MYH8: variants seen among roughly 807,000 people sequenced by gnomAD.
MYH8 encodes myosin-8.
Under a neutral mutation model 233.2 loss-of-function variants are expected in MYH8, and 168 were observed. The observed-to-expected ratio is 0.72, with a 90% CI of 0.64 to 0.82. MYH8 has a LOEUF of 0.82. MYH8 is among the 40% of genes least tolerant of loss of function. MYH8 has a pLI of 0.00. For synonymous variants in MYH8, 785 were observed against 850.6 expected, an observed-to-expected ratio of 0.92 and a Z score of 1.34; for missense variants, 1,995 against 2,327.8, an observed-to-expected ratio of 0.86 and a Z score of 2.94.
Position 10,418,880 on chromosome 17 carries a change from C to G in MYH8, c.354+7G>C, listed in dbSNP as rs1301830966. On this transcript the variant is annotated splice_region_variant and intron_variant, in intron 4 of 39. Transcript: ENST00000403437. ...CATGAAATAAAAAGGTGTTTACAGA[C>G]ACTCACGTAGATCATCCAGGCTGCA... 6.2e-7 allele frequency: 1 copy of G among 1,614,062 alleles called. No individual in the cohort carries two copies. Among genetic ancestry groups the G allele is most frequent in the East Asian group, 2.2e-5 (1 of 44,878 alleles).
intron 14 of MYH8, 41 bp downstream of exon 14, chr17:10,412,329 C>A (rs1243003464): frequency 6.2e-7 from 1 of 1,613,892 alleles, no homozygotes; most frequent in Non-Finnish European, 8.5e-7. Context: ...ATATCAAAGC[C>A]CACAATTGCC....
Position 10,409,361 on chromosome 17 carries a change from A to G in MYH8, c.1815T>C (p.Asn605=), listed in dbSNP as rs151091483. The change falls in exon 16 of 40, where the codon AAT becomes AAC. Residue 605 remains asparagine (N), a synonymous_variant. Transcript: ENST00000403437. ...GWLDKNKDPL[N]DTVVGLYQKS... Reference sequence around the variant, plus strand: ...TCTGGTACAGCCCAACCACAGTATCATTCAGGGGGTCCTTATTTTTGTCCA... The same window carrying G: ...TCTGGTACAGCCCAACCACAGTATCGTTCAGGGGGTCCTTATTTTTGTCCA... The G allele has an allele frequency of 2.5e-6, 4 of 1,614,242 alleles. No individual in the cohort carries two copies. The South Asian group carries it at 4.4e-5, about 18-fold the overall frequency.
Position 10,398,700 on chromosome 17 carries a change from A to G in MYH8, c.3982-60T>C, listed in dbSNP as rs1028389433. 3 of 1,613,888 alleles carry G rather than the reference A, an allele frequency of 1.9e-6. No homozygotes were observed. In the African/African-American group the frequency reaches 4.0e-5, roughly 22 times the overall value. ...GTATTCAGTGATATTTAACTTACACATCCCAAGTAGAGCCTAACTGGGCAG... is the reference window on the plus strand; with the variant it reads ...GTATTCAGTGATATTTAACTTACACGTCCCAAGTAGAGCCTAACTGGGCAG... On this transcript the variant is annotated intron_variant, in intron 29 of 39. Coordinates refer to ENST00000403437, the MANE Select transcript of MYH8 (RefSeq NM_002472.3).
chr17:10,418,534 C>A (rs2072307047), intron 5 of MYH8, 111 bp downstream of exon 5: 2 of 1,593,746 alleles, frequency 1.3e-6, no homozygotes, highest in African/African-American at 1.3e-5. Flanking sequence ...ACAGTGAAGC[C>A]CCATGTGGCT....
In MYH8 at chr17:10,400,320, A is replaced by G. The variant is rs2072124947; in HGVS notation, c.3735+70T>C. On this transcript the variant is annotated intron_variant, in intron 27 of 39. Coordinates refer to ENST00000403437, the MANE Select transcript of MYH8 (RefSeq NM_002472.3). The surrounding 1 kb of genome is among the most constrained non-coding windows in gnomAD (Gnocchi z 4.0). ...TAGTGCTGTAAAATGCCTGCAAACA[A>G]TGTTTAGTGATAGAGAATAATGGGT... is the stretch of plus-strand genomic sequence containing the variant. 28 of 1,579,218 alleles carry G rather than the reference A, an allele frequency of 1.8e-5. No individual in the cohort carries two copies. Among genetic ancestry groups the G allele is most frequent in the Non-Finnish European group, 2.2e-5 (26 of 1,158,166 alleles).
chr17:10,416,529 T>C (rs746910855), intron 5 of MYH8, among the ~76,000 whole-genome samples: 4 of 152,230 alleles, frequency 2.6e-5, no homozygotes, highest in African/African-American at 4.8e-5. Flanking sequence ...GGAACTACCA[T>C]ACTGTTTCCA....
rs1260659117 is a variant in MYH8 at position 10,409,373 on chromosome 17, C to T, written c.1803G>A (p.Lys601=). 1 of 1,614,210 alleles carries T rather than the reference C, an allele frequency of 6.2e-7. No homozygotes were observed. Among genetic ancestry groups the T allele is most frequent in the Non-Finnish European group, 8.5e-7 (1 of 1,180,028 alleles). The part of the protein sequence containing the change: ...YNITGWLDKN[K]DPLNDTVVGL... Reference sequence around the variant, plus strand: ...CAACCACAGTATCATTCAGGGGGTCCTTATTTTTGTCCAGCCAGCCAGTAA... The same window carrying T: ...CAACCACAGTATCATTCAGGGGGTCTTTATTTTTGTCCAGCCAGCCAGTAA... Residue 601 remains lysine (K), a synonymous_variant, in exon 16 of 40, where the codon AAG becomes AAA. Transcript: ENST00000403437.
At chr17:10,391,167 GC>G (rs1171007721) in intron 39 of MYH8, among the ~76,000 whole-genome samples, 3 of 152,190 alleles carry the variant, frequency 2.0e-5, no homozygotes, top group Non-Finnish European at 4.4e-5. Flanking sequence ...AAATGTGGGG[GC>G]AAGAGCCCCC....
intron 38 of MYH8, 64 bp downstream of exon 38, chr17:10,392,478 C>T: frequency 7.1e-7 from 1 of 1,399,704 alleles, no homozygotes; most frequent in Non-Finnish European, 1.0e-6. Flanking sequence ...AATAAATAGT[C>T]ATAAGGTTTT....
chr17:10,397,122 C>A, intron 30 of MYH8, 136 bp from the exon 31 acceptor site: 1 of 1,110,124 alleles, frequency 9.0e-7, no homozygotes, highest in Non-Finnish European at 1.3e-6. Flanking sequence ...CTCGCTCTGT[C>A]GCCCATGCTG....
chr17:10,410,932 G>A lies in MYH8; in HGVS notation c.1432C>T (p.Gln478Ter), dbSNP rs748598841. 1.5e-5 allele frequency: 25 copies of A among 1,614,068 alleles called. No homozygotes were observed. The highest frequency in any genetic ancestry group is 1.9e-5 in the Non-Finnish European group (23 of 1,179,990). Residue 478 changes from glutamine to a stop codon, truncating the protein, a stop_gained, in exon 15 of 40, where the codon CAG (glutamine) becomes TAG (stop). Transcript: ENST00000403437. LOFTEE classifies it high-confidence loss of function. Reference protein sequence around the residue: ...FEIFDFNSLEQLCINFTNEKL... With the variant: ...FEIFDFNSLE ...TCGTTGGTGAAGTTGATGCACAGCT[G>A]CTCCAGGCTGTTAAACTACACAAAA...
At chr17:10,414,539 G>C (rs1053596684) in intron 9 of MYH8, 55 bp from the exon 10 acceptor site, 3 of 1,194,824 alleles carry the variant, frequency 2.5e-6, no homozygotes, top group African/African-American at 3.0e-5. Flanking sequence ...TTCTGAGATA[G>C]TAAATGAACC....
At chr17:10,398,090 A>G (rs1162689603) in intron 30 of MYH8, among the ~76,000 whole-genome samples, 1 of 152,264 alleles carries the variant, frequency 6.6e-6, no homozygotes, top group East Asian at 1.9e-4. Flanking sequence ...GGCCTCCAAC[A>G]TGAGTTTTAA....
rs1331689301 is a variant in MYH8 at position 10,406,321 on chromosome 17, C to T, written c.2248G>A (p.Ala750Thr). 3.7e-6 allele frequency: 6 copies of T among 1,613,744 alleles called. No individual in the cohort carries two copies. Among genetic ancestry groups the T allele is most frequent in the Non-Finnish European group, 5.1e-6 (6 of 1,179,834 alleles). ...TGAGTATGATCAATATCAATAGATGCAAGAAGTTTCTCAGAAGCCTTCTTG... is the reference window on the plus strand; with the variant it reads ...TGAGTATGATCAATATCAATAGATGTAAGAAGTTTCTCAGAAGCCTTCTTG... ...DSKKASEKLL[A>T]SIDIDHTQYK... Residue 750 changes from alanine (A) to threonine (T), a missense_variant, in exon 20 of 40, where the codon GCA (alanine) becomes ACA (threonine). Around this residue, in one of 3 missense-constraint regions of MYH8, gnomAD observed 1,498 missense variants for 1,680.9 expected, o/e 0.89. Coordinates refer to ENST00000403437, the MANE Select transcript of MYH8 (RefSeq NM_002472.3).
At position 10,410,802 on chromosome 17, in the gene MYH8, G is replaced by A. The variant is rs763159867; in HGVS notation, c.1562C>T (p.Ala521Val). The A allele has an allele frequency of 5.6e-6, 9 of 1,613,932 alleles. 1 individual carries two copies. In the South Asian group the frequency reaches 8.8e-5, roughly 16 times the overall value. Residue 521 changes from alanine to valine, a missense_variant, in exon 15 of 40, where the codon GCT (alanine) becomes GTT (valine). Transcript: ENST00000403437. ...CTTCTCAATGAGCTCAATGCAGGCA[G>A]CCAGGTCCATCCCAAAGTCAATGAA... Reference protein sequence around the residue: ...WTFIDFGMDLAACIELIEKPL... With the variant: ...WTFIDFGMDLVACIELIEKPL...
chr17:10,410,852 G>A lies in MYH8; in HGVS notation c.1512C>T (p.Tyr504=), dbSNP rs192445309. 6.2e-7 allele frequency: 1 copy of A among 1,613,742 alleles called. No homozygotes were observed. Among genetic ancestry groups the A allele is most frequent in the Non-Finnish European group, 8.5e-7 (1 of 1,179,968 alleles). ...HHMFVLEQEE[Y]KKEGIEWTFI... is the part of the protein sequence containing the mutation. ...ACGTCCACTCGATGCCTTCCTTCTT[G>A]TACTCCTCCTGCTCTAGCACAAACA... is the stretch of plus-strand genomic sequence containing the variant. The change falls in exon 15 of 40, where the codon TAC becomes TAT. Residue 504 remains tyrosine (Y), a synonymous_variant. Coordinates refer to ENST00000403437, the MANE Select transcript of MYH8 (RefSeq NM_002472.3).
At chr17:10,395,022 C>T (rs1055802397) in intron 34 of MYH8, 111 bp downstream of exon 34, 9 of 1,181,958 alleles carry the variant, frequency 7.6e-6, no homozygotes, top group African/African-American at 1.5e-5. Flanking sequence ...TTTGTGCGGT[C>T]AGCTGTATAA....
chr17:10,413,525 A>G (rs1400143288), intron 12 of MYH8, among the ~76,000 whole-genome samples: 1 of 152,112 alleles, frequency 6.6e-6, no homozygotes, highest in South Asian at 2.1e-4. Flanking sequence ...CCAGCCCTGT[A>G]TTTGGGCAGA....
intron 28 of MYH8, 73 bp downstream of exon 28, chr17:10,399,470 T>TA: frequency 6.2e-7 from 1 of 1,606,382 alleles, no homozygotes; most frequent in East Asian, 2.2e-5. Flanking sequence ...GTGGGAATAT[T>TA]GCTATTTATT....
Sources: allele counts gnomAD v4.1 joint callset (sites outside exome capture counted in the v4.1 genomes callset), GRCh38; gene constraint gnomAD v4.1.1; regional missense constraint gnomAD v4.1.1; non-coding constraint Gnocchi (gnomAD v3.1); transcripts MANE v1.5; gene names NCBI Gene and HGNC (gene_info 2026-07-23, HGNC 2026-07-21).